The following CPD variants were observed in gnomAD, a reference collection of about 807,000 sequenced individuals.
The protein encoded by CPD is carboxypeptidase D.
A neutral mutation model predicts 138.3 loss-of-function variants in CPD; 69 were observed. The observed-to-expected ratio is 0.50, with a 90% CI of 0.41 to 0.61. The LOEUF is 0.61. CPD is among the 20% of genes least tolerant of loss of function. The pLI is 0.00. For missense variants in CPD, 1,432 were observed against 1,733.3 expected, an observed-to-expected ratio of 0.83 and a Z score of 3.09; for synonymous variants, 651 against 642.1, an observed-to-expected ratio of 1.01 and a Z score of -0.21.
Position 30,462,409 on chromosome 17 carries a change from G to C in CPD, c.3856G>C (p.Val1286Leu). 2 of 1,613,996 alleles carry C rather than the reference G, an allele frequency of 1.2e-6. No individual in the cohort carries two copies. The highest frequency in any genetic ancestry group is 1.7e-6 in the Non-Finnish European group (2 of 1,179,922). Reference sequence around the variant, plus strand: ...TGATGCAGCTAGTTCTGTGGTGATAGTCTTTGACACAGATAACCGGATATT... The same window carrying C: ...TGATGCAGCTAGTTCTGTGGTGATACTCTTTGACACAGATAACCGGATATT... ...HHDAASSVVI[V>L]FDTDNRIFGL... Residue 1286 changes from valine to leucine, a missense_variant, in exon 20 of 21, where the codon GTC becomes CTC. Transcript: ENST00000225719.
intron 2 of CPD, among the ~76,000 whole-genome samples, chr17:30,404,930 A>G (rs1911767011): frequency 6.6e-6 from 1 of 152,154 alleles, no homozygotes; most frequent in Non-Finnish European, 1.5e-5. Flanking sequence ...ATTCTGAGAG[A>G]GTAAAAACAT....
chr17:30,389,339 C>T (rs768176419), intron 2 of CPD, among the ~76,000 whole-genome samples: 1 of 152,290 alleles, frequency 6.6e-6, no homozygotes, highest in Non-Finnish European at 1.5e-5. Flanking sequence ...AGAAGTGAAA[C>T]CTTCTCCCCA....
At chr17:30,405,214 T>TAA (rs1195901657) in intron 2 of CPD, among the ~76,000 whole-genome samples, 1 of 151,620 alleles carries the variant, frequency 6.6e-6, no homozygotes, top group Non-Finnish European at 1.5e-5. Flanking sequence ...GGGGAAAGAG[T>TAA]AAAGGTCATC....
At chr17:30,437,882 G>C (rs889982959) in intron 8 of CPD, among the ~76,000 whole-genome samples, 7 of 151,960 alleles carry the variant, frequency 4.6e-5, no homozygotes, top group Non-Finnish European at 8.8e-5. Flanking sequence ...TGTCACCCAG[G>C]CTGTAGTGCA....
chr17:30,435,058 A>G (rs1433926145), intron 8 of CPD, among the ~76,000 whole-genome samples: 1 of 152,122 alleles, frequency 6.6e-6, no homozygotes, highest in African/African-American at 2.4e-5. Context: ...ATACCCAAAT[A>G]TACGTTGAGA....
intron 2 of CPD, among the ~76,000 whole-genome samples, chr17:30,410,051 G>A: frequency 6.6e-6 from 1 of 152,150 alleles, no homozygotes; most frequent in Non-Finnish European, 1.5e-5. Flanking sequence ...ATTCTGGTAT[G>A]TTGTGTATTT....
At chr17:30,414,396 A>G (rs185877950) in intron 2 of CPD, among the ~76,000 whole-genome samples, 4 of 152,240 alleles carry the variant, frequency 2.6e-5, no homozygotes, top group Admixed American at 2.0e-4. Context: ...CAACATGGTG[A>G]AACCCCGTCT....
chr17:30,461,109 G>T (rs1213015043), intron 17 of CPD, 71 bp from the exon 18 acceptor site: 2 of 1,214,738 alleles, frequency 1.6e-6, no homozygotes, highest in East Asian at 2.6e-5. Flanking sequence ...TCCATTTGTT[G>T]TATTACAAAG....
chr17:30,401,327 T>C (rs911976458), intron 2 of CPD, among the ~76,000 whole-genome samples: 8 of 150,922 alleles, frequency 5.3e-5, no homozygotes, highest in Admixed American at 2.6e-4. Flanking sequence ...CCTCCTCTTC[T>C]TCCTCTTCCT....
At chr17:30,437,414 A>G (rs2143453748) in intron 8 of CPD, among the ~76,000 whole-genome samples, 1 of 152,184 alleles carries the variant, frequency 6.6e-6, no homozygotes, top group Admixed American at 6.5e-5. Context: ...GCCCGGTGTG[A>G]TGGCTCACAC....
At chr17:30,437,955 G>A (rs146165964) in intron 8 of CPD, among the ~76,000 whole-genome samples, 7 of 149,076 alleles carry the variant, frequency 4.7e-5, no homozygotes, top group East Asian at 2.0e-4. Context: ...TCCCATCTCA[G>A]CCTCCCAAGG....
At position 30,446,087 on chromosome 17, in the gene CPD, A is replaced by G. The variant is rs887412651; in HGVS notation, c.2873+67A>G. ...AGTAAAATCAGCATTAGCCATGTTG[A>G]ATAGTTGTAATTTATATAGAAATAT... On this transcript the variant is annotated intron_variant, in intron 12 of 20. Coordinates refer to ENST00000225719, the MANE Select transcript of CPD (RefSeq NM_001304.5). 4 of 1,086,316 alleles carry G rather than the reference A, an allele frequency of 3.7e-6. No homozygotes were observed. In the African/African-American group the frequency reaches 6.4e-5, roughly 17 times the overall value. The allele number at this position is 1,086,316 out of a possible 1,614,324, so 67.3% of individuals were successfully genotyped here.
At chr17:30,405,792 C>T (rs1911787533) in intron 2 of CPD, among the ~76,000 whole-genome samples, 1 of 151,994 alleles carries the variant, frequency 6.6e-6, no homozygotes, top group African/African-American at 2.4e-5. Flanking sequence ...GAAATTCTCA[C>T]AAAGTTACTG....
chr17:30,434,064 A>G (rs1380924054), intron 8 of CPD, among the ~76,000 whole-genome samples: 2 of 152,170 alleles, frequency 1.3e-5, no homozygotes, highest in Non-Finnish European at 2.9e-5. Context: ...GTAAGCCCCC[A>G]TGAAGCTACC....
At chr17:30,421,159 T>C (rs531778408) in intron 3 of CPD, among the ~76,000 whole-genome samples, 176 bp downstream of exon 3, 1 of 152,338 alleles carries the variant, frequency 6.6e-6, no homozygotes, top group Non-Finnish European at 1.5e-5. Flanking sequence ...AAACATATTC[T>C]AGCTCTGCTT....
Position 30,379,313 on chromosome 17 carries a change from C to T in CPD, c.333C>T (p.Asp111=). Residue 111 remains aspartate (D), a synonymous_variant, in exon 1 of 21, where the codon GAC becomes GAT. Transcript: ENST00000225719. The surrounding 1 kb of genome is among the most constrained non-coding windows in gnomAD (Gnocchi z 7.0). ...TGGGGTCGCTAATCCCTGAGGGCGACGCGGGGCCTGACGCTGCCGGGCCCG... is the reference window on the plus strand; with the variant it reads ...TGGGGTCGCTAATCCCTGAGGGCGATGCGGGGCCTGACGCTGCCGGGCCCG... ...AGLGSLIPEG[D]AGPDAAGPDA... is the part of the protein sequence containing the mutation. 6.7e-7 allele frequency: 1 copy of T among 1,497,018 alleles called. No individual in the cohort carries two copies. The highest frequency in any genetic ancestry group is 8.8e-7 in the Non-Finnish European group (1 of 1,130,614). 92.7% of individuals were successfully genotyped at this position (1,497,018 alleles called of 1,614,324 possible). A position where few individuals can be genotyped will look rare whatever the true frequency, so the allele number is the denominator to read the frequency against.
intron 2 of CPD, among the ~76,000 whole-genome samples, chr17:30,401,444 A>ATCTTCT (rs752342735): frequency 1.1e-5 from 1 of 94,428 alleles, no homozygotes; most frequent in Non-Finnish European, 2.2e-5. Context: ...CTTCTTCCTC[A>ATCTTCT]TCTTCTTCTT....
chr17:30,392,333 T>A (rs1314803770), intron 2 of CPD, among the ~76,000 whole-genome samples: 1 of 152,162 alleles, frequency 6.6e-6, no homozygotes, highest in African/African-American at 2.4e-5. Context: ...CTTTAGTTAA[T>A]CTTATAACAA....
chr17:30,424,896 CAGTTGGTCATT>C (rs1912362487), intron 6 of CPD, among the ~76,000 whole-genome samples: 1 of 152,168 alleles, frequency 6.6e-6, no homozygotes. Context: ...TTGGGAGGAT[CAGTTGGTCATT>C]AGTTGGTCAT....
Sources: allele counts gnomAD v4.1 joint callset (sites outside exome capture counted in the v4.1 genomes callset), GRCh38; gene constraint gnomAD v4.1.1; non-coding constraint Gnocchi (gnomAD v3.1); transcripts MANE v1.5; gene names NCBI Gene and HGNC (gene_info 2026-07-23, HGNC 2026-07-21).